BMP7: variants seen among roughly 807,000 people sequenced by gnomAD.
The protein encoded by BMP7 is bone morphogenetic protein 7.
BMP7 carries 12 observed loss-of-function variants against 41.2 expected under a neutral mutation model. That is an observed-to-expected ratio of 0.29 (90% CI 0.19 to 0.47). BMP7 has a LOEUF of 0.47. Ranked by LOEUF, BMP7 falls within the 20% of genes least tolerant of loss-of-function variation. The probability of loss-of-function intolerance (pLI) is 0.99; values close to 1 mark genes in which losing one functional copy is unlikely to be tolerated. For missense variants in BMP7, 467 were observed against 606.0 expected (o/e 0.77, Z 2.41); for synonymous variants, 248 against 250.0 (o/e 0.99, Z 0.07).
At chr20:57,189,001 C>T (rs532218607) in intron 3 of BMP7, among the ~76,000 whole-genome samples, 2 of 152,348 alleles carry the variant, frequency 1.3e-5, no homozygotes, top group Admixed American at 6.5e-5. Flanking sequence ...TCTGGGTTTA[C>T]AGTCAGTTCT....
Position 57,228,290 on chromosome 20 carries a change from G to C in BMP7, c.550C>G (p.Arg184Gly), listed in dbSNP as rs776230892. The C allele has an allele frequency of 6.5e-5, 105 of 1,613,986 alleles. No individual in the cohort carries two copies. Among genetic ancestry groups the C allele is most frequent in the Non-Finnish European group, 8.8e-5 (104 of 1,180,042 alleles). The change falls in exon 2 of 7, where the codon CGC (arginine) becomes GGC (glycine). Residue 184 changes from arginine to glycine, a missense_variant. Arg to Gly is a moderately radical substitution (Grantham distance 125). Coordinates refer to ENST00000395863, the MANE Select transcript of BMP7 (RefSeq NM_001719.3). The surrounding 1 kb of genome is among the most constrained non-coding windows in gnomAD (Gnocchi z 4.5). ...ATCCGGAACGTCTCATTGTCGAAGC[G>C]TTCCCGGATGTAGTCCTTGTAGATC... ...FRIYKDYIRE[R>G]FDNETFRISV...
In BMP7 at chr20:57,228,557, C is replaced by A; in HGVS notation, c.419-136G>T. The A allele has an allele frequency of 9.7e-7, 1 of 1,029,456 alleles. No homozygotes were observed. The highest frequency in any genetic ancestry group is 1.5e-6 in the Non-Finnish European group (1 of 667,318). 63.8% of individuals were successfully genotyped at this position (1,029,456 alleles called of 1,614,324 possible). On this transcript the variant is annotated intron_variant, in intron 1 of 6. Transcript: ENST00000395863. The surrounding 1 kb of genome is among the most constrained non-coding windows in gnomAD (Gnocchi z 4.5). ...TTGCCAGTGACCCCAGTGACAACTG[C>A]TCCTTCCTCACCAACACACTGTAGA...
rs1201394060 is a variant in BMP7 at position 57,261,804 on chromosome 20, A to T, written c.418+3901T>A. Among the ~76,000 whole-genome samples, 1 of 152,232 alleles carries T rather than the reference A, an allele frequency of 6.6e-6. No individual in the cohort carries two copies. The highest frequency in any genetic ancestry group is 6.5e-5 in the Admixed American group (1 of 15,294). ...CTCCCCTTTGCGAAGCACTCCCTGA[A>T]GGAAATTTTTAAACTGTAACAGAAT... is the stretch of plus-strand genomic sequence containing the variant. On this transcript the variant is annotated intron_variant, in intron 1 of 6. Transcript: ENST00000395863. The surrounding 1 kb of genome is among the most constrained non-coding windows in gnomAD (Gnocchi z 4.1).
At position 57,174,208 on chromosome 20, in the gene BMP7, C is replaced by G. The variant is rs1983872088; in HGVS notation, c.1035+723G>C. On this transcript the variant is annotated intron_variant, in intron 5 of 6. Transcript: ENST00000395863. The surrounding 1 kb of genome is among the most constrained non-coding windows in gnomAD (Gnocchi z 4.3). Reference sequence around the variant, plus strand: ...TGAGGGTAGAATACCACCAGTTGCCCTGATGACCTCATGACAATACCCTCT... The same window carrying G: ...TGAGGGTAGAATACCACCAGTTGCCGTGATGACCTCATGACAATACCCTCT... Among the ~76,000 whole-genome samples the G allele has an allele frequency of 6.6e-6, 1 of 152,180 alleles. No homozygotes were observed. The highest frequency in any genetic ancestry group is 2.1e-4 in the South Asian group (1 of 4,828).
intron 2 of BMP7, among the ~76,000 whole-genome samples, chr20:57,210,738 C>T (rs551303527): frequency 6.6e-5 from 10 of 152,368 alleles, no homozygotes; most frequent in African/African-American, 2.4e-4. Flanking sequence ...TGGGACAGTC[C>T]CCATCCTGTC....
At chr20:57,205,028 GCAACGAGGTGT>G (rs1288336796) in intron 2 of BMP7, among the ~76,000 whole-genome samples, 1 of 152,186 alleles carries the variant, frequency 6.6e-6, no homozygotes, top group African/African-American at 2.4e-5. Flanking sequence ...TGAGGACACG[GCAACGAGGTGT>G]CATCTTGAAG....
At chr20:57,243,812 T>G (rs1454685275) in intron 1 of BMP7, 2 of 152,286 alleles carry the variant, frequency 1.3e-5, no homozygotes, top group African/African-American at 4.8e-5. Context: ...CCCCTTTCAT[T>G]TCCCTCCCAT....
chr20:57,184,040 A>G, intron 3 of BMP7, 121 bp from the exon 4 acceptor site: 1 of 1,176,858 alleles, frequency 8.5e-7, no homozygotes, highest in Non-Finnish European at 1.2e-6. Flanking sequence ...TCCATCCAGT[A>G]AGTATTTATT....
intron 1 of BMP7, among the ~76,000 whole-genome samples, chr20:57,236,329 G>A (rs554018266): frequency 3.3e-5 from 5 of 152,320 alleles, no homozygotes; most frequent in Admixed American, 2.0e-4. Flanking sequence ...AGGAGAGAGC[G>A]CTCAGGAGGT....
chr20:57,241,676 G>T (rs767149697), intron 1 of BMP7, among the ~76,000 whole-genome samples: 2 of 152,212 alleles, frequency 1.3e-5, no homozygotes, highest in Non-Finnish European at 2.9e-5. Flanking sequence ...GAGACCTGGA[G>T]GCGAGACCAC....
chr20:57,248,419 C>A (rs1385477309), intron 1 of BMP7, among the ~76,000 whole-genome samples: 1 of 152,142 alleles, frequency 6.6e-6, no homozygotes, highest in Non-Finnish European at 1.5e-5. Context: ...CACAGTTTAG[C>A]CCAAGAGACA....
At chr20:57,194,780 G>T (rs1984454221) in intron 3 of BMP7, among the ~76,000 whole-genome samples, 1 of 152,196 alleles carries the variant, frequency 6.6e-6, no homozygotes, top group Non-Finnish European at 1.5e-5. Flanking sequence ...AAGGTCACAG[G>T]CGCAAAGTCA....
At chr20:57,242,224 G>A (rs866441539) in intron 1 of BMP7, among the ~76,000 whole-genome samples, 1 of 152,252 alleles carries the variant, frequency 6.6e-6, no homozygotes, top group Non-Finnish European at 1.5e-5. Flanking sequence ...ACTTAGGAGG[G>A]GGTGCTCCTG....
chr20:57,186,540 G>C (rs1213173922), intron 3 of BMP7, among the ~76,000 whole-genome samples: 1 of 152,200 alleles, frequency 6.6e-6, no homozygotes, highest in African/African-American at 2.4e-5. Context: ...AGCTCAGAGA[G>C]GCTGAATAAC....
At chr20:57,180,405 C>T (rs1408566422) in intron 4 of BMP7, among the ~76,000 whole-genome samples, 2 of 152,138 alleles carry the variant, frequency 1.3e-5, no homozygotes, top group East Asian at 1.9e-4. Context: ...GCATCCTCTC[C>T]GGACCAGCCT....
At chr20:57,248,868 G>A (rs573146031) in intron 1 of BMP7, among the ~76,000 whole-genome samples, 43 of 151,560 alleles carry the variant, frequency 2.8e-4, no homozygotes, top group Middle Eastern at 3.4e-3. Context: ...GTGTGATCTC[G>A]GCTCACTGCA....
At chr20:57,188,899 C>T (rs1015832726) in intron 3 of BMP7, among the ~76,000 whole-genome samples, 11 of 152,214 alleles carry the variant, frequency 7.2e-5, no homozygotes, top group Non-Finnish European at 1.3e-4. Context: ...GGCCAAGATT[C>T]GAACCCTGGT....
intron 3 of BMP7, among the ~76,000 whole-genome samples, chr20:57,195,190 A>G (rs540663376): frequency 5.9e-5 from 9 of 152,202 alleles, no homozygotes; most frequent in Non-Finnish European, 1.3e-4. Flanking sequence ...GAGCACAGTG[A>G]GGCCCCTTGG....
chr20:57,265,082 T>G (rs931275562), intron 1 of BMP7, among the ~76,000 whole-genome samples: 13 of 126,766 alleles, frequency 1.0e-4, no homozygotes, highest in African/African-American at 4.2e-4. Context: ...AAGAAAAAAA[T>G]AAACAAAGAA....
Sources: allele counts gnomAD v4.1 joint callset (sites outside exome capture counted in the v4.1 genomes callset), GRCh38; gene constraint gnomAD v4.1.1; non-coding constraint Gnocchi (gnomAD v3.1); transcripts MANE v1.5; gene names NCBI Gene and HGNC (gene_info 2026-07-23, HGNC 2026-07-21).